PPARGC1A: variants seen among roughly 807,000 people sequenced by gnomAD.
PPARGC1A encodes peroxisome proliferator-activated receptor gamma coactivator 1-alpha.
Under a neutral mutation model 88.7 loss-of-function variants are expected in PPARGC1A, and 25 were observed. That is an observed-to-expected ratio of 0.28 (90% CI 0.21 to 0.39). The LOEUF (loss-of-function observed/expected upper bound fraction) is 0.39, where lower values mean the gene tolerates loss of function less well. Ranked by LOEUF, PPARGC1A falls within the 10% of genes least tolerant of loss-of-function variation. The pLI, the probability that PPARGC1A is intolerant of heterozygous loss-of-function variation, is 1.00. For synonymous variants in PPARGC1A, 363 were observed against 355.6 expected (o/e 1.02, Z -0.24); for missense variants, 880 against 968.7 (o/e 0.91, Z 1.22).
At chr4:24,409,210 T>G in the PPARGC1A span, among the ~76,000 whole-genome samples, 1 of 152,220 alleles carries the variant, frequency 6.6e-6, no homozygotes, top group African/African-American at 2.4e-5. Context: ...AGCTGTTAGG[T>G]TAGTGTATGT....
At chr4:23,848,116 T>TA (rs970906991) in intron 2 of PPARGC1A, among the ~76,000 whole-genome samples, 46 of 152,208 alleles carry the variant, frequency 3.0e-4, no homozygotes, top group African/African-American at 1.0e-3. Context: ...TTACAGGACA[T>TA]AAAAAATAGC....
At chr4:24,258,093 C>T in the PPARGC1A span, 1 of 377,158 alleles carries the variant, frequency 2.7e-6, no homozygotes, top group Non-Finnish European at 3.6e-6. Context: ...TTATCAATAT[C>T]TGGGTGTGAA....
the PPARGC1A span, among the ~76,000 whole-genome samples, chr4:24,270,042 T>A: frequency 3.9e-5 from 6 of 152,204 alleles, no homozygotes; most frequent in Non-Finnish European, 1.5e-5. Flanking sequence ...AACATTTGAA[T>A]CAGTAGACTG....
the PPARGC1A span, among the ~76,000 whole-genome samples, chr4:24,100,647 G>T: frequency 6.6e-6 from 1 of 152,084 alleles, no homozygotes; most frequent in Non-Finnish European, 1.5e-5. Flanking sequence ...AGAATCAATA[G>T]ATAACCTTGG....
At chr4:23,909,069 A>C (rs941848180), upstream of PPARGC1A, among the ~76,000 whole-genome samples, 2 of 152,198 alleles carry the variant, frequency 1.3e-5, no homozygotes, top group East Asian at 3.9e-4. Context: ...AGTTGAGTGC[A>C]TTGAAGGAGA....
chr4:24,401,015 CTTTTTT>C, the PPARGC1A span, among the ~76,000 whole-genome samples: 79 of 99,828 alleles, frequency 7.9e-4, 1 homozygote, highest in Admixed American at 9.5e-3. Flanking sequence ...CCTGAATTTT[CTTTTTT>C]TTTTTTTTTT....
chr4:24,111,302 A>G, the PPARGC1A span, among the ~76,000 whole-genome samples: 2 of 152,200 alleles, frequency 1.3e-5, no homozygotes, highest in Admixed American at 6.5e-5. Context: ...TTCTCCAGAC[A>G]TACTTGATTC....
chr4:23,932,020 C>T, the PPARGC1A span, among the ~76,000 whole-genome samples: 1 of 152,288 alleles, frequency 6.6e-6, no homozygotes, highest in African/African-American at 2.4e-5. Context: ...TAATCAGGCA[C>T]ATGGTAGTTA....
At chr4:24,064,529 G>T in the PPARGC1A span, among the ~76,000 whole-genome samples, 1 of 152,106 alleles carries the variant, frequency 6.6e-6, no homozygotes, top group Non-Finnish European at 1.5e-5. Context: ...GTTGGGAGAA[G>T]ATGCTGTAGA....
the PPARGC1A span, among the ~76,000 whole-genome samples, chr4:24,246,197 TATCA>T: frequency 1.3e-5 from 2 of 152,174 alleles, no homozygotes; most frequent in Non-Finnish European, 2.9e-5. Flanking sequence ...AATTCAATAA[TATCA>T]ATCAAATAAT....
At chr4:24,230,805 A>G in the PPARGC1A span, among the ~76,000 whole-genome samples, 1 of 152,156 alleles carries the variant, frequency 6.6e-6, no homozygotes, top group Admixed American at 6.5e-5. Context: ...TGCCAACTAT[A>G]CATGTTAAAT....
In PPARGC1A at chr4:23,796,036, T is replaced by G. The variant is rs891790871; in HGVS notation, c.2294-111A>C. The G allele has an allele frequency of 3.9e-6, 3 of 768,628 alleles. No individual in the cohort carries two copies. In the African/African-American group the frequency reaches 5.3e-5, roughly 14 times the overall value. 47.6% of individuals were successfully genotyped at this position (768,628 alleles called of 1,614,324 possible). On this transcript the variant is annotated intron_variant, in intron 12 of 12. Coordinates refer to ENST00000264867, the MANE Select transcript of PPARGC1A (RefSeq NM_013261.5). ...ATAACAACTCTTCCAATCAATATAC[T>G]TTAGAAAACAATAGTCAGATTTTAT...
chr4:23,968,603 T>C, the PPARGC1A span, among the ~76,000 whole-genome samples: 2 of 152,184 alleles, frequency 1.3e-5, no homozygotes, highest in African/African-American at 4.8e-5. Context: ...TTATTCTTAA[T>C]AATACATACC....
chr4:24,279,418 G>T, the PPARGC1A span, among the ~76,000 whole-genome samples: 2 of 152,152 alleles, frequency 1.3e-5, no homozygotes, highest in Non-Finnish European at 2.9e-5. Flanking sequence ...GGTTGGAGCT[G>T]GAGAAATAGA....
At chr4:24,166,896 T>C in the PPARGC1A span, among the ~76,000 whole-genome samples, 1 of 152,226 alleles carries the variant, frequency 6.6e-6, no homozygotes, top group Non-Finnish European at 1.5e-5. Context: ...TCTCATAGAA[T>C]GTACTTTTCA....
At chr4:24,410,982 C>T in the PPARGC1A span, among the ~76,000 whole-genome samples, 2 of 152,146 alleles carry the variant, frequency 1.3e-5, no homozygotes, top group African/African-American at 4.8e-5. Context: ...GTGTGAGTCA[C>T]TTCTCCTTAA....
At chr4:24,201,954 T>C in the PPARGC1A span, among the ~76,000 whole-genome samples, 2 of 151,478 alleles carry the variant, frequency 1.3e-5, no homozygotes, top group South Asian at 4.2e-4. Flanking sequence ...CAGGCTAGAG[T>C]GCAGTGGCGC....
the PPARGC1A span, among the ~76,000 whole-genome samples, chr4:24,372,755 C>T: frequency 6.6e-6 from 1 of 152,176 alleles, no homozygotes; most frequent in Admixed American, 6.5e-5. Context: ...TCTCTCTAAG[C>T]CTCAACATTC....
At chr4:23,842,148 G>T (rs1454948431) in intron 2 of PPARGC1A, among the ~76,000 whole-genome samples, 2 of 152,086 alleles carry the variant, frequency 1.3e-5, no homozygotes, top group Non-Finnish European at 2.9e-5. Flanking sequence ...TGCATTTATT[G>T]TCAGCTAAAA....
Sources: allele counts gnomAD v4.1 joint callset (sites outside exome capture counted in the v4.1 genomes callset), GRCh38; gene constraint gnomAD v4.1.1; transcripts MANE v1.5; gene names NCBI Gene and HGNC (gene_info 2026-07-23, HGNC 2026-07-21).